PPOX: variants seen among roughly 807,000 people sequenced by gnomAD.
PPOX encodes protoporphyrinogen oxidase.
PPOX carries 23 observed loss-of-function variants against 54.1 expected under a neutral mutation model. The ratio of observed to expected loss-of-function variants is 0.43; its 90% confidence interval spans 0.31 to 0.60. The LOEUF (loss-of-function observed/expected upper bound fraction) is 0.60. PPOX is among the 20% of genes least tolerant of loss of function. PPOX has a pLI of 0.13. For missense variants in PPOX, 512 were observed against 601.1 expected (o/e 0.85, Z 1.55); for synonymous variants, 224 against 236.1 (o/e 0.95, Z 0.47).
downstream of PPOX, among the ~76,000 whole-genome samples, chr1:161,174,511 T>C (rs1489564451): frequency 1.3e-5 from 2 of 152,234 alleles, no homozygotes; most frequent in Non-Finnish European, 2.9e-5. Flanking sequence ...ATTTTTCCAC[T>C]TAGTCATTTG....
chr1:161,176,985 G>C (rs750168135), exon 5 of PPOX: 1 of 1,536,112 alleles, frequency 6.5e-7, no homozygotes, highest in South Asian at 1.2e-5. Flanking sequence ...TGCAGGGACC[G>C]TGACCACCTG....
downstream of PPOX, chr1:161,171,800 A>G: frequency 6.2e-7 from 1 of 1,613,340 alleles, no homozygotes; most frequent in Non-Finnish European, 8.5e-7. Flanking sequence ...TGATTAAGGT[A>G]GACAGGAAGG....
In PPOX at chr1:161,168,169, C is replaced by A. The variant is rs1159202225; in HGVS notation, c.471+42C>A. ...GGCCCCAAACCTCTTCCCTCCTAAA[C>A]CAGCTGCAGAGCTCCCTGTTCAAAT... On this transcript the variant is annotated intron_variant, in intron 5 of 12. Transcript: ENST00000367999. 7 of 1,613,958 alleles carry A rather than the reference C, an allele frequency of 4.3e-6. No homozygotes were observed. The African/African-American group carries it at 6.7e-5, about 15-fold the overall frequency.
intron 4 of PPOX, chr1:161,176,834 A>C (rs955078267): frequency 1.3e-6 from 2 of 1,532,940 alleles, no homozygotes; most frequent in African/African-American, 2.7e-5. Context: ...TAATGGAAAC[A>C]TTGTTTTCCC....
At chr1:161,177,264 A>G, downstream of PPOX, 2 of 609,380 alleles carry the variant, frequency 3.3e-6, no homozygotes, top group South Asian at 4.1e-5. Context: ...TGCCCTACCT[A>G]CTAGCAACGT....
chr1:161,175,028 G>A, downstream of PPOX: 1 of 1,613,820 alleles, frequency 6.2e-7, no homozygotes, highest in Non-Finnish European at 8.5e-7. Flanking sequence ...GCAAGCTGCT[G>A]GCGCTGCAAG....
Position 161,170,887 on chromosome 1 carries a change from A to T in PPOX, c.1249-20A>T. The stretch of plus-strand genomic sequence containing the variant: ...ACATCAATAATAAACTTTTCCCTGC[A>T]TCCTCTCCTCTCTTCTCAGAACTGC... On this transcript the variant is annotated intron_variant, in intron 11 of 12. Transcript: ENST00000367999. 1 of 1,614,066 alleles carries T rather than the reference A, an allele frequency of 6.2e-7. No homozygotes were observed. Among genetic ancestry groups the T allele is most frequent in the Non-Finnish European group, 8.5e-7 (1 of 1,180,016 alleles).
chr1:161,172,073 G>A (rs1179284182), downstream of PPOX: 9 of 1,614,168 alleles, frequency 5.6e-6, no homozygotes, highest in African/African-American at 1.3e-5. Context: ...TTCTGGGTAC[G>A]GACCAGGAGG....
chr1:161,170,321 TCCCCC>T, intron 9 of PPOX, 83 bp from the exon 10 acceptor site: 3 of 367,766 alleles, frequency 8.2e-6, no homozygotes, highest in East Asian at 1.5e-4. Context: ...TGAGACTCTG[TCCCCC>T]CCACCCCCCC....
At chr1:161,172,382 G>A, downstream of PPOX, 1 of 1,511,586 alleles carries the variant, frequency 6.6e-7, no homozygotes, top group African/African-American at 1.4e-5. Context: ...AGAAAAGCAA[G>A]GAAGGGATTA....
chr1:161,166,384 T>C, upstream of PPOX: 3 of 1,058,072 alleles, frequency 2.8e-6, no homozygotes, highest in Non-Finnish European at 3.4e-6. Context: ...CCAATCCAGA[T>C]GTAGGAGAGG....
chr1:161,167,557 CTTTTTTTTTTTTTTTT>C (rs397731347), intron 4 of PPOX, 71 bp downstream of exon 4: 9 of 555,100 alleles, frequency 1.6e-5, no homozygotes, highest in African/African-American at 6.6e-5. Flanking sequence ...TTCTTCTTTT[CTTTTTTTTTTTTTTTT>C]TTTTTTTTTT....
downstream of PPOX, chr1:161,177,265 C>A: frequency 1.6e-6 from 1 of 608,924 alleles, no homozygotes; most frequent in Non-Finnish European, 2.9e-6. Flanking sequence ...GCCCTACCTA[C>A]TAGCAACGTG....
At position 161,170,690 on chromosome 1, in the gene PPOX, A is replaced by T; in HGVS notation, c.1169A>T (p.Gln390Leu). 6.2e-7 allele frequency: 1 copy of T among 1,614,158 alleles called. No individual in the cohort carries two copies. Among genetic ancestry groups the T allele is most frequent in the Non-Finnish European group, 8.5e-7 (1 of 1,180,048 alleles). ...TGTGTCTTATCTCAGGAGCTGTTTC[A>T]ACAGCGGGCCCAGGAAGCAGCTGCT... The part of the protein sequence containing the change: ...SGCVLSQELF[Q>L]QRAQEAAATQ... Residue 390 changes from glutamine to leucine, a missense_variant, in exon 11 of 13, where the codon CAA becomes CTA. Physicochemically the swap from Gln to Leu is moderately radical, Grantham distance 113. Transcript: ENST00000367999.
Position 161,167,468 on chromosome 1 carries a change from C to T in PPOX, c.320C>T (p.Ala107Val). 1 of 1,612,566 alleles carries T rather than the reference C, an allele frequency of 6.2e-7. No homozygotes were observed. Among genetic ancestry groups the T allele is most frequent in the Non-Finnish European group, 8.5e-7 (1 of 1,179,976 alleles). ...RFLYVGGALHALPTGLRGLLR... is the reference protein window; with the variant it reads ...RFLYVGGALHVLPTGLRGLLR... ...CTCTACGTGGGCGGTGCCCTGCATG[C>T]CCTACCCACTGGCCTCAGGTAACAC... is the stretch of plus-strand genomic sequence containing the variant. The change falls in exon 4 of 13, where the codon GCC becomes GTC. Residue 107 changes from alanine (A) to valine (V), a missense_variant. Physicochemically the swap from Ala to Val is moderately conservative, Grantham distance 64. Coordinates refer to ENST00000367999, the MANE Select transcript of PPOX (RefSeq NM_001122764.3).
downstream of PPOX, chr1:161,173,895 C>T (rs199539404): frequency 6.0e-5 from 97 of 1,613,938 alleles, no homozygotes; most frequent in African/African-American, 1.3e-5. Flanking sequence ...GGCAACATGG[C>T]GGGGTCCCCG....
chr1:161,177,187 G>A (rs991523187), downstream of PPOX: 4 of 1,006,572 alleles, frequency 4.0e-6, no homozygotes, highest in Non-Finnish European at 5.8e-6. Context: ...GGCGTGGTCC[G>A]CGCTGTGGAG....
chr1:161,171,907 G>T, downstream of PPOX: 1 of 1,614,182 alleles, frequency 6.2e-7, no homozygotes, highest in Non-Finnish European at 8.5e-7. Context: ...TTGACGGAAG[G>T]CTTGGGAGGA....
chr1:161,167,271 A>AG, intron 3 of PPOX, 37 bp downstream of exon 3: 1 of 1,613,964 alleles, frequency 6.2e-7, no homozygotes, highest in Non-Finnish European at 8.5e-7. Flanking sequence ...GAGGTTGTGG[A>AG]GGGGGCTTCC....
Sources: allele counts gnomAD v4.1 joint callset (sites outside exome capture counted in the v4.1 genomes callset), GRCh38; gene constraint gnomAD v4.1.1; transcripts MANE v1.5; gene names NCBI Gene and HGNC (gene_info 2026-07-23, HGNC 2026-07-21).